ST3GAL1: variants seen among roughly 807,000 people sequenced by gnomAD.
ST3GAL1 encodes CMP-N-acetylneuraminate-beta-galactosamide-alpha-2,3-sialyltransferase 1.
ST3GAL1 carries 16 observed loss-of-function variants against 34.1 expected under a neutral mutation model. The ratio of observed to expected loss-of-function variants is 0.47; its 90% CI spans 0.32 to 0.71. The LOEUF (loss-of-function observed/expected upper bound fraction) is 0.71. Among genes scored for constraint, ST3GAL1 ranks in the 30% least tolerant of loss-of-function variants. The pLI is 0.04. For missense variants in ST3GAL1, 353 were observed against 447.4 expected, an observed-to-expected ratio of 0.79 and a Z score of 1.90; for synonymous variants, 191 against 184.7, an observed-to-expected ratio of 1.03 and a Z score of -0.28.
At chr8:133,569,853 G>C (rs994168037) in intron 1 of ST3GAL1, among the ~76,000 whole-genome samples, 2 of 152,236 alleles carry the variant, frequency 1.3e-5, no homozygotes, top group Non-Finnish European at 1.5e-5. Context: ...AGAAAATCAG[G>C]AGGCTCCGCC....
intron 3 of ST3GAL1, among the ~76,000 whole-genome samples, chr8:133,483,056 C>A (rs1409235367): frequency 6.6e-6 from 1 of 152,122 alleles, no homozygotes; most frequent in South Asian, 2.1e-4. Context: ...AAAATGCTCA[C>A]GCAGGCCGGG....
Position 133,571,592 on chromosome 8 carries a change from C to A in ST3GAL1, c.-582+101G>T, listed in dbSNP as rs1169471326. On this transcript the variant is annotated intron_variant, in intron 1 of 9. Coordinates refer to ENST00000522652, the MANE Select transcript of ST3GAL1 (RefSeq NM_173344.3). The surrounding 1 kb of genome is among the most constrained non-coding windows in gnomAD (Gnocchi z 6.7). ...CAGTTCCCGGGTCCAGACAATCAAC[C>A]TTCCACTCCGAGAATCCACAGGAAA... is the stretch of plus-strand genomic sequence containing the variant. The A allele has an allele frequency of 6.6e-6, 1 of 152,668 alleles. No homozygotes were observed. Among genetic ancestry groups the A allele is most frequent in the Admixed American group, 6.5e-5 (1 of 15,284 alleles). The allele number at this position is 152,668 out of a possible 1,614,324, so 9.5% of individuals were successfully genotyped here. A position where few individuals can be genotyped will look rare whatever the true frequency, so the allele number is the denominator to read the frequency against.
At position 133,570,254 on chromosome 8, in the gene ST3GAL1, C is replaced by T. The variant is rs72720296; in HGVS notation, c.-582+1439G>A. On this transcript the variant is annotated intron_variant, in intron 1 of 9. Transcript: ENST00000522652. This position sits in a 1 kb window ranked among gnomAD's most constrained non-coding sequence, Gnocchi z 5.6. ...CGCAAACTTGCGGGGCTTGGGGACC[C>T]GCGAGGGGGAGAAGTCGGGAGAGGC... 30,105 of 152,298 alleles carry T rather than the reference C, an allele frequency of 0.2. 3,253 individuals are homozygous for T. Among genetic ancestry groups the T allele is most frequent in the Admixed American group, 0.24 (3,681 of 15,302 alleles). 9.4% of individuals were successfully genotyped at this position (152,298 alleles called of 1,614,324 possible).
intron 2 of ST3GAL1, among the ~76,000 whole-genome samples, chr8:133,535,742 G>A (rs1818292956): frequency 6.6e-6 from 1 of 152,062 alleles, no homozygotes; most frequent in Non-Finnish European, 1.5e-5. Context: ...GCCCGCCCCA[G>A]CCTCCCAAAG....
At chr8:133,548,013 G>A (rs914217498) in intron 1 of ST3GAL1, among the ~76,000 whole-genome samples, 1 of 152,204 alleles carries the variant, frequency 6.6e-6, no homozygotes, top group East Asian at 1.9e-4. Flanking sequence ...AACCATGTGT[G>A]GTGTTGACTA....
At chr8:133,506,583 G>A (rs955211887) in intron 2 of ST3GAL1, among the ~76,000 whole-genome samples, 3 of 152,040 alleles carry the variant, frequency 2.0e-5, no homozygotes, top group East Asian at 1.9e-4. Flanking sequence ...TCAGGAGTTC[G>A]AGACCAGCCT....
chr8:133,559,966 A>G (rs1819168355), intron 1 of ST3GAL1, among the ~76,000 whole-genome samples: 1 of 152,242 alleles, frequency 6.6e-6, no homozygotes, highest in South Asian at 2.1e-4. Context: ...AGTTCTTGCA[A>G]GCAGCCATGC....
intron 1 of ST3GAL1, among the ~76,000 whole-genome samples, chr8:133,561,394 T>C (rs148228129): frequency 3.3e-5 from 5 of 152,216 alleles, no homozygotes; most frequent in Admixed American, 1.3e-4. Context: ...TACCTGGGTC[T>C]CACCATCAGA....
chr8:133,536,725 T>C (rs1818322499), intron 2 of ST3GAL1, among the ~76,000 whole-genome samples: 1 of 152,208 alleles, frequency 6.6e-6, no homozygotes, highest in Non-Finnish European at 1.5e-5. Context: ...GCCTTTACGA[T>C]GGGCCAGACA....
intron 2 of ST3GAL1, among the ~76,000 whole-genome samples, chr8:133,527,754 C>G (rs1818019449): frequency 6.6e-6 from 1 of 152,190 alleles, no homozygotes; most frequent in Admixed American, 6.5e-5. Context: ...AGCTTGCTTG[C>G]TGGGCGGTCC....
At position 133,469,339 on chromosome 8, in the gene ST3GAL1, C is replaced by G. The variant is rs868403204; in HGVS notation, c.307-3249G>C. Among the ~76,000 whole-genome samples, 1 of 152,076 alleles carries G rather than the reference C, an allele frequency of 6.6e-6. No homozygotes were observed. The highest frequency in any genetic ancestry group is 2.1e-4 in the South Asian group (1 of 4,832). Reference sequence around the variant, plus strand: ...GTTCAAGGGATTCTCCTGCCTTAGCCTCCCAAGCAGCTGGGATTACAGGTG... The same window carrying G: ...GTTCAAGGGATTCTCCTGCCTTAGCGTCCCAAGCAGCTGGGATTACAGGTG... On this transcript the variant is annotated intron_variant, in intron 5 of 9. Transcript: ENST00000522652. This position sits in a 1 kb window ranked among gnomAD's most constrained non-coding sequence, Gnocchi z 4.3.
intron 2 of ST3GAL1, among the ~76,000 whole-genome samples, chr8:133,539,348 G>T (rs1190937875): frequency 6.6e-6 from 1 of 152,190 alleles, no homozygotes; most frequent in Non-Finnish European, 1.5e-5. Context: ...GCAGGCAGCA[G>T]GTAAGAGAAG....
intron 8 of ST3GAL1, among the ~76,000 whole-genome samples, chr8:133,462,212 T>A (rs1199158089): frequency 6.6e-6 from 1 of 151,980 alleles, no homozygotes; most frequent in Non-Finnish European, 1.5e-5. Flanking sequence ...TGGAGAGCAA[T>A]GATGCAGAGG....
chr8:133,541,106 T>G (rs1444156935), intron 2 of ST3GAL1, among the ~76,000 whole-genome samples: 3 of 50,318 alleles, frequency 6.0e-5, no homozygotes, highest in Admixed American at 3.7e-4. Flanking sequence ...CATATATATA[T>G]ATATATATAT....
rs775110359 is a variant in ST3GAL1 at position 133,461,962 on chromosome 8, A to G, written c.762T>C (p.Tyr254=). The change falls in exon 9 of 10, where the codon TAT becomes TAC. Residue 254 remains tyrosine (Y), a synonymous_variant. Transcript: ENST00000522652. This position sits in a 1 kb window ranked among gnomAD's most constrained non-coding sequence, Gnocchi z 4.7. ...ILIYHPAFIK[Y]VFDNWLQGHG... ...GCCCTTGCAGCCAGTTGTCAAAGAC[A>G]TACTTGATGAAGGCTGGGTGGTAGA... 6.2e-7 allele frequency: 1 copy of G among 1,614,246 alleles called. No individual in the cohort carries two copies. The highest frequency in any genetic ancestry group is 1.1e-5 in the South Asian group (1 of 91,088).
intron 3 of ST3GAL1, among the ~76,000 whole-genome samples, chr8:133,488,986 C>T (rs1816701557): frequency 6.6e-6 from 1 of 152,158 alleles, no homozygotes; most frequent in Non-Finnish European, 1.5e-5. Context: ...GCAGTGACTG[C>T]CTTGGCGCCC....
At chr8:133,518,022 C>T (rs1817694907) in intron 2 of ST3GAL1, among the ~76,000 whole-genome samples, 2 of 152,372 alleles carry the variant, frequency 1.3e-5, no homozygotes, top group Admixed American at 1.3e-4. Flanking sequence ...CTGCTCTCTA[C>T]TGTCTTGCCC....
intron 2 of ST3GAL1, chr8:133,544,225 ATC>A (rs998880518): frequency 1.3e-5 from 2 of 152,290 alleles, no homozygotes; most frequent in Non-Finnish European, 2.9e-5. Flanking sequence ...CAAACTGTGC[ATC>A]TCAATGATCA....
chr8:133,562,416 G>T (rs1819253968), intron 1 of ST3GAL1, among the ~76,000 whole-genome samples: 1 of 152,032 alleles, frequency 6.6e-6, no homozygotes, highest in Admixed American at 6.6e-5. Context: ...CGCCATGTTG[G>T]CCAGGATGGT....
Sources: allele counts gnomAD v4.1 joint callset (sites outside exome capture counted in the v4.1 genomes callset), GRCh38; gene constraint gnomAD v4.1.1; non-coding constraint Gnocchi (gnomAD v3.1); transcripts MANE v1.5; gene names NCBI Gene and HGNC (gene_info 2026-07-23, HGNC 2026-07-21).